ZFP37: variants seen among roughly 807,000 people sequenced by gnomAD.
ZFP37 encodes ZFP37 zinc finger protein.
In ZFP37, 38 loss-of-function variants were observed where a neutral mutation model predicts 52.1. That is an observed-to-expected ratio of 0.73 (90% CI 0.56 to 0.96). ZFP37 has a LOEUF of 0.96. ZFP37 is among the 40% of genes least tolerant of loss of function. ZFP37 has a pLI of 0.00. For missense variants in ZFP37, 695 were observed against 741.4 expected (o/e 0.94, Z 0.73); for synonymous variants, 253 against 259.5 (o/e 0.98, Z 0.24).
In ZFP37 at chr9:113,049,482, T is replaced by C; in HGVS notation, c.229A>G (p.Lys77Glu). Reference sequence around the variant, plus strand: ...TCCAACTTGGAGATCATGTCTGGTTTGGGAGCTTGACACCCTGCTCATGAG... The same window carrying C: ...TCCAACTTGGAGATCATGTCTGGTTCGGGAGCTTGACACCCTGCTCATGAG... The part of the protein sequence containing the change: ...NQASMGCQAP[K>E]PDMISKLEKG... Residue 77 changes from lysine to glutamate, a missense_variant, in exon 3 of 4, where the codon AAA (lysine) becomes GAA (glutamate). Lys to Glu is a moderately conservative substitution (Grantham distance 56). Around this residue, in one of 2 missense-constraint regions of ZFP37, gnomAD observed 369 missense variants for 340.9 expected, o/e 1.08. Transcript: ENST00000374227. The C allele has an allele frequency of 6.2e-7, 1 of 1,613,384 alleles. No individual in the cohort carries two copies. The highest frequency in any genetic ancestry group is 1.3e-5 in the African/African-American group (1 of 75,032).
chr9:113,049,996 AC>A, intron 1 of ZFP37, 124 bp from the exon 2 acceptor site: 1 of 1,444,500 alleles, frequency 6.9e-7, no homozygotes, highest in South Asian at 1.4e-5. Flanking sequence ...ATTTGTTCTT[AC>A]CTTGACTACT....
At position 113,040,796 on chromosome 9, in the gene ZFP37, A is replaced by G. The variant is rs1015558066; in HGVS notation, c.*1929T>C. The G allele has an allele frequency of 2.6e-5, 4 of 152,328 alleles. No individual in the cohort carries two copies. The highest frequency in any genetic ancestry group is 9.6e-5 in the African/African-American group (4 of 41,582). 9.4% of individuals were successfully genotyped at this position (152,328 alleles called of 1,614,324 possible). On this transcript the variant is annotated 3_prime_UTR_variant, in exon 4 of 4. Transcript: ENST00000374227. ...GTAGGGATTGTGCTTTAAAAAATATAAAAGATAACATGCCAAATTATAATA... is the reference window on the plus strand; with the variant it reads ...GTAGGGATTGTGCTTTAAAAAATATGAAAGATAACATGCCAAATTATAATA...
Position 113,043,410 on chromosome 9 carries a change from T to C in ZFP37, c.1208A>G (p.Lys403Arg), listed in dbSNP as rs773595899. Residue 403 changes from lysine to arginine, a missense_variant, in exon 4 of 4, where the codon AAG becomes AGG. Physicochemically the swap from Lys to Arg is conservative, Grantham distance 26 (BLOSUM62 2). This residue lies in a region of ZFP37 where 326 missense variants were observed against 400.5 expected (regional missense o/e 0.81). Transcript: ENST00000374227. The stretch of plus-strand genomic sequence containing the variant: ...CCCACATTCCTTACATTCATATGGC[T>C]TCTCACCTGTGTGAGATCTCACATG... ...IQHVRSHTGEKPYECKECGKS... is the reference protein window; with the variant it reads ...IQHVRSHTGERPYECKECGKS... The C allele has an allele frequency of 6.2e-7, 1 of 1,614,138 alleles. No individual in the cohort carries two copies. Among genetic ancestry groups the C allele is most frequent in the South Asian group, 1.1e-5 (1 of 91,084 alleles).
chr9:113,051,178 CTAAG>C lies in ZFP37; in HGVS notation c.133-1310_133-1307del, dbSNP rs536459746. Among the ~76,000 whole-genome samples, 4 of 152,270 alleles carry C rather than the reference CTAAG, an allele frequency of 2.6e-5. No homozygotes were observed. In the South Asian group the frequency reaches 8.3e-4, roughly 32 times the overall value. ...CAACCAGTAAAATGTCTAGTTAAAT[CTAAG>C]TAACTTGATAATGTGCTTGTACAAC... On this transcript the variant is annotated intron_variant, in intron 1 of 3. Coordinates refer to ENST00000374227, the MANE Select transcript of ZFP37 (RefSeq NM_003408.3).
rs992385914 is a variant in ZFP37 at position 113,042,702 on chromosome 9, T to C, written c.*23A>G. 1.3e-6 allele frequency: 2 copies of C among 1,522,408 alleles called. No individual in the cohort carries two copies. The highest frequency in any genetic ancestry group is 2.8e-5 in the African/African-American group (2 of 71,794). 94.3% of individuals were successfully genotyped at this position (1,522,408 alleles called of 1,614,324 possible). ...AGGTTCAACAAAACCTTAAATTTAG[T>C]TAACAAATTTCCCACATTAACTTCA... On this transcript the variant is annotated 3_prime_UTR_variant, in exon 4 of 4. Transcript: ENST00000374227.
intron 1 of ZFP37, among the ~76,000 whole-genome samples, chr9:113,050,924 C>CA (rs1465853044): frequency 1.3e-5 from 2 of 151,078 alleles, no homozygotes; most frequent in African/African-American, 4.9e-5. Context: ...TGTTTGGCAG[C>CA]AAAAGTAAGA....
rs1828864616 is a variant in ZFP37 at position 113,042,521 on chromosome 9, A to C, written c.*204T>G. 2.3e-6 allele frequency: 1 copy of C among 434,450 alleles called. No individual in the cohort carries two copies. The highest frequency in any genetic ancestry group is 3.6e-5 in the East Asian group (1 of 28,102). The allele number at this position is 434,450 out of a possible 1,614,324, so 26.9% of individuals were successfully genotyped here. A position where few individuals can be genotyped will look rare whatever the true frequency, so the allele number is the denominator to read the frequency against. On this transcript the variant is annotated 3_prime_UTR_variant, in exon 4 of 4. Coordinates refer to ENST00000374227, the MANE Select transcript of ZFP37 (RefSeq NM_003408.3). ...CATTTATAATAATTGAGTAGTTAAA[A>C]CAATATTTTTTATAAAAGGTTTTGT...
At position 113,052,888 on chromosome 9, in the gene ZFP37, T is replaced by C. The variant is rs1261045338; in HGVS notation, c.133-3016A>G. Among the ~76,000 whole-genome samples the C allele has an allele frequency of 3.3e-5, 5 of 152,346 alleles. No homozygotes were observed. Among genetic ancestry groups the C allele is most frequent in the African/African-American group, 1.2e-4 (5 of 41,580 alleles). On this transcript the variant is annotated intron_variant, in intron 1 of 3. Coordinates refer to ENST00000374227, the MANE Select transcript of ZFP37 (RefSeq NM_003408.3). This position sits in a 1 kb window ranked among gnomAD's most constrained non-coding sequence, Gnocchi z 4.1. The stretch of plus-strand genomic sequence containing the variant: ...ACCTTGCAGCAGGCCTGTCTAAGGA[T>C]AGCAGTTTTTCACTTCTATGTTAAC...
chr9:113,051,470 G>A (rs538682389), intron 1 of ZFP37, among the ~76,000 whole-genome samples: 1 of 151,946 alleles, frequency 6.6e-6, no homozygotes, highest in East Asian at 1.9e-4. Context: ...GGGTGGGGGA[G>A]CAGATAAAGT....
Position 113,042,911 on chromosome 9 carries a change from C to G in ZFP37, c.1707G>C (p.Gly569=). 1.9e-6 allele frequency: 3 copies of G among 1,613,772 alleles called. No individual in the cohort carries two copies. The highest frequency in any genetic ancestry group is 2.5e-6 in the Non-Finnish European group (3 of 1,179,892). ...ATTCGTTACATTCATAAGGTTTCTC[C>G]CCAGTATGAGTTCTCTGATGTACAA... is the stretch of plus-strand genomic sequence containing the variant. ...HLIVHQRTHT[G]EKPYECNECE... Residue 569 remains glycine, a synonymous_variant, in exon 4 of 4, where the codon GGG becomes GGC. Transcript: ENST00000374227.
rs77854226 is a variant in ZFP37 at position 113,050,068 on chromosome 9, A to C, written c.133-196T>G. 85 of 894,520 alleles carry C rather than the reference A, an allele frequency of 9.5e-5. 1 individual carries two copies. In the African/African-American group the frequency reaches 1.4e-3, roughly 15 times the overall value. 55.4% of individuals were successfully genotyped at this position (894,520 alleles called of 1,614,324 possible). A position where few individuals can be genotyped will look rare whatever the true frequency, so the allele number is the denominator to read the frequency against. ...CTCTACTCAATTTTTCATTATTTTG[A>C]GAAACAAAAACCATATTAAGAAATG... On this transcript the variant is annotated intron_variant, in intron 1 of 3. Coordinates refer to ENST00000374227, the MANE Select transcript of ZFP37 (RefSeq NM_003408.3).
rs867731420 is a variant in ZFP37, at chr9:113,049,726, T to C, written c.214+65A>G. On this transcript the variant is annotated intron_variant, in intron 2 of 3. Transcript: ENST00000374227. ...CCCACAAAAATGAAGGCCAAACTTA[T>C]CAAGGACTCCAGAGAGAAGGTATCA... 37 of 1,574,480 alleles carry C rather than the reference T, an allele frequency of 2.3e-5. No homozygotes were observed. In the South Asian group the frequency reaches 3.3e-4, roughly 14 times the overall value.
In ZFP37 at chr9:113,056,627, C is replaced by G. The variant is rs1422274472; in HGVS notation, c.62G>C (p.Ser21Thr). 6.2e-7 allele frequency: 1 copy of G among 1,614,078 alleles called. No individual in the cohort carries two copies. The highest frequency in any genetic ancestry group is 8.5e-7 in the Non-Finnish European group (1 of 1,180,026). Reference protein sequence around the residue: ...TKPETVDRRRSAETTKEAGRP... With the variant: ...TKPETVDRRRTAETTKEAGRP... ...CCCGGCCTCTTTGGTCGTTTCCGCA[C>G]TTCTCCTCCGGTCCACGGTCTCTGG... The change falls in exon 1 of 4, where the codon AGT (serine) becomes ACT (threonine). Residue 21 changes from serine (S) to threonine (T), a missense_variant. Transcript: ENST00000374227.
chr9:113,054,907 G>A (rs1564095229), intron 1 of ZFP37, among the ~76,000 whole-genome samples: 1 of 152,128 alleles, frequency 6.6e-6, no homozygotes, highest in South Asian at 2.1e-4. Context: ...TCTGCAGTCC[G>A]TCTTCCATGA....
At chr9:113,045,372 A>G (rs1461297972) in intron 3 of ZFP37, among the ~76,000 whole-genome samples, 2 of 152,230 alleles carry the variant, frequency 1.3e-5, no homozygotes, top group African/African-American at 4.8e-5. Flanking sequence ...TAAAATTCAT[A>G]GTAATTAGCT....
chr9:113,041,756 G>T lies in ZFP37; in HGVS notation c.*969C>A, dbSNP rs1022196676. 9 of 152,142 alleles carry T rather than the reference G, an allele frequency of 5.9e-5. No homozygotes were observed. The highest frequency in any genetic ancestry group is 2.2e-4 in the African/African-American group (9 of 41,426). 9.4% of individuals were successfully genotyped at this position (152,142 alleles called of 1,614,324 possible). On this transcript the variant is annotated 3_prime_UTR_variant, in exon 4 of 4. Coordinates refer to ENST00000374227, the MANE Select transcript of ZFP37 (RefSeq NM_003408.3). ...AGATTTTAACTCTGTCAAAATCTGA[G>T]ATCTCACATGTTGATCTCACATGTT... is the stretch of plus-strand genomic sequence containing the variant.
chr9:113,052,657 A>G lies in ZFP37; in HGVS notation c.133-2785T>C, dbSNP rs1404294711. Among the ~76,000 whole-genome samples the G allele has an allele frequency of 2.0e-5, 3 of 152,212 alleles. No individual in the cohort carries two copies. The highest frequency in any genetic ancestry group is 7.2e-5 in the African/African-American group (3 of 41,460). Reference sequence around the variant, plus strand: ...CTACTAGGGAAGCTCATTAGAGACCAGTACTGCCTAGGGGTTTCACTGGGG... The same window carrying G: ...CTACTAGGGAAGCTCATTAGAGACCGGTACTGCCTAGGGGTTTCACTGGGG... On this transcript the variant is annotated intron_variant, in intron 1 of 3. Coordinates refer to ENST00000374227, the MANE Select transcript of ZFP37 (RefSeq NM_003408.3). The surrounding 1 kb of genome is among the most constrained non-coding windows in gnomAD (Gnocchi z 4.1).
chr9:113,044,067 A>G lies in ZFP37; in HGVS notation c.551T>C (p.Leu184Ser). 6.2e-7 allele frequency: 1 copy of G among 1,609,436 alleles called. No individual in the cohort carries two copies. ...LLKFESCGKI[L>S]KQNLDLPDHS... ...ATCAGGTAAATCTAAATTCTGTTTC[A>G]AAATTTTTCCACATGACTCAAATTT... is the stretch of plus-strand genomic sequence containing the variant. Residue 184 changes from leucine (L) to serine (S), a missense_variant, in exon 4 of 4, where the codon TTG becomes TCG. Around this residue, in one of 2 missense-constraint regions of ZFP37, gnomAD observed 369 missense variants for 340.9 expected, o/e 1.08. Transcript: ENST00000374227.
In ZFP37 at chr9:113,040,770, T is replaced by G. The variant is rs2118673605; in HGVS notation, c.*1955A>C. 1 of 152,244 alleles carries G rather than the reference T, an allele frequency of 6.6e-6. No individual in the cohort carries two copies. Among genetic ancestry groups the G allele is most frequent in the South Asian group, 2.1e-4 (1 of 4,822 alleles). 9.4% of individuals were successfully genotyped at this position (152,244 alleles called of 1,614,324 possible). A position where few individuals can be genotyped will look rare whatever the true frequency, so the allele number is the denominator to read the frequency against. On this transcript the variant is annotated 3_prime_UTR_variant, in exon 4 of 4. Transcript: ENST00000374227. ...TAGTTCTGAGGAATAAATGAAATAA[T>G]GTAGGGATTGTGCTTTAAAAAATAT...
Sources: allele counts gnomAD v4.1 joint callset (sites outside exome capture counted in the v4.1 genomes callset), GRCh38; gene constraint gnomAD v4.1.1; regional missense constraint gnomAD v4.1.1; non-coding constraint Gnocchi (gnomAD v3.1); transcripts MANE v1.5; gene names NCBI Gene and HGNC (gene_info 2026-07-23, HGNC 2026-07-21).